Variants in ZNF804B observed in about 807,000 individuals in gnomAD.
ZNF804B encodes the protein zinc finger 804B.
Under a neutral mutation model 101.4 loss-of-function variants are expected in ZNF804B, and 80 were observed. The observed-to-expected ratio is 0.79, with a 90% confidence interval of 0.66 to 0.95. The LOEUF (loss-of-function observed/expected upper bound fraction) is 0.95, where lower values mean the gene tolerates loss of function less well. Ranked by LOEUF, ZNF804B falls within the 40% of genes least tolerant of loss-of-function variation. ZNF804B has a pLI of 0.00. For synonymous variants in ZNF804B, 622 were observed against 558.8 expected, an observed-to-expected ratio of 1.11 and a Z score of -1.59; for missense variants, 1,673 against 1,561.9, an observed-to-expected ratio of 1.07 and a Z score of -1.20.
At chr7:89,168,340 A>G (rs1335896227) in intron 1 of ZNF804B, among the ~76,000 whole-genome samples, 3 of 152,054 alleles carry the variant, frequency 2.0e-5, no homozygotes, top group Non-Finnish European at 2.9e-5. Flanking sequence ...ATATATCTAT[A>G]TATGTAGATA....
At position 89,277,727 on chromosome 7, in the gene ZNF804B, A is replaced by G. The variant is rs2115858089; in HGVS notation, c.250-49617A>G. 1.3e-5 allele frequency among the ~76,000 whole-genome samples: 2 copies of G among 151,410 alleles called. 1 individual carries two copies. The highest frequency in any genetic ancestry group is 2.9e-5 in the Non-Finnish European group (2 of 67,850). On this transcript the variant is annotated intron_variant, in intron 2 of 3. Coordinates refer to ENST00000333190, the MANE Select transcript of ZNF804B (RefSeq NM_181646.5). ...GTATTCCATGGTGTATATGTGCCACATTTTCTTAATCCCATCTATCATTTT... is the reference window on the plus strand; with the variant it reads ...GTATTCCATGGTGTATATGTGCCACGTTTTCTTAATCCCATCTATCATTTT...
At chr7:88,863,350 G>C (rs577102127) in intron 1 of ZNF804B, among the ~76,000 whole-genome samples, 1 of 152,086 alleles carries the variant, frequency 6.6e-6, no homozygotes, top group Non-Finnish European at 1.5e-5. Context: ...GGTGTGCCAT[G>C]CCCATTCATA....
At chr7:89,066,443 C>G (rs1381110508) in intron 1 of ZNF804B, among the ~76,000 whole-genome samples, 1 of 152,002 alleles carries the variant, frequency 6.6e-6, no homozygotes, top group Non-Finnish European at 1.5e-5. Context: ...TTCAAAATAC[C>G]TGGAGCCTGA....
At chr7:89,043,093 C>T (rs1392396780) in intron 1 of ZNF804B, among the ~76,000 whole-genome samples, 5 of 152,140 alleles carry the variant, frequency 3.3e-5, no homozygotes, top group Non-Finnish European at 5.9e-5. Context: ...TACAATAAAT[C>T]AAAGTCACAA....
intron 1 of ZNF804B, among the ~76,000 whole-genome samples, chr7:88,968,016 A>G (rs1793482303): frequency 6.6e-6 from 1 of 151,526 alleles, no homozygotes; most frequent in African/African-American, 2.4e-5. Flanking sequence ...ACACTTTTTT[A>G]TAAAAGGAAA....
chr7:88,995,642 CCTCA>C (rs1483278510), intron 1 of ZNF804B, among the ~76,000 whole-genome samples: 1 of 151,932 alleles, frequency 6.6e-6, no homozygotes, highest in Non-Finnish European at 1.5e-5. Flanking sequence ...GAACATAACT[CCTCA>C]CTCTTTAAGG....
intron 1 of ZNF804B, among the ~76,000 whole-genome samples, chr7:88,939,259 A>G (rs1793022293): frequency 6.6e-6 from 1 of 151,966 alleles, no homozygotes; most frequent in Non-Finnish European, 1.5e-5. Flanking sequence ...ATTTTAAATC[A>G]ACTCTAGATT....
intron 1 of ZNF804B, among the ~76,000 whole-genome samples, chr7:89,139,743 T>C (rs1157989056): frequency 6.6e-6 from 1 of 152,144 alleles, no homozygotes; most frequent in East Asian, 1.9e-4. Flanking sequence ...TCTCTTGCTG[T>C]GTCCACCACA....
chr7:88,991,440 C>A (rs963451134), intron 1 of ZNF804B, among the ~76,000 whole-genome samples: 3 of 152,170 alleles, frequency 2.0e-5, no homozygotes, highest in Non-Finnish European at 2.9e-5. Context: ...ATATGCCCTG[C>A]TGGGCTTGAC....
intron 1 of ZNF804B, among the ~76,000 whole-genome samples, chr7:89,215,122 G>A (rs991736993): frequency 6.6e-6 from 1 of 152,152 alleles, no homozygotes; most frequent in Non-Finnish European, 1.5e-5. Flanking sequence ...ATGCCCTGGA[G>A]ATTGTCATTA....
intron 1 of ZNF804B, among the ~76,000 whole-genome samples, chr7:88,922,470 C>A (rs937196301): frequency 1.3e-5 from 2 of 151,870 alleles, no homozygotes; most frequent in Admixed American, 1.3e-4. Context: ...CTTAAAATTA[C>A]TTTAATGAAA....
At chr7:89,321,619 A>G (rs930670108) in intron 2 of ZNF804B, among the ~76,000 whole-genome samples, 3 of 152,122 alleles carry the variant, frequency 2.0e-5, no homozygotes, top group Non-Finnish European at 4.4e-5. Context: ...ACTAAAAAGC[A>G]TATAGAAAAA....
At chr7:88,924,207 C>T (rs1488925366) in intron 1 of ZNF804B, among the ~76,000 whole-genome samples, 2 of 151,990 alleles carry the variant, frequency 1.3e-5, no homozygotes, top group African/African-American at 4.8e-5. Flanking sequence ...ATGTTCTTGC[C>T]ATTCTAAATG....
chr7:88,965,272 G>A lies in ZNF804B; in HGVS notation c.108+205188G>A, dbSNP rs563084476. On this transcript the variant is annotated intron_variant, in intron 1 of 3. Coordinates refer to ENST00000333190, the MANE Select transcript of ZNF804B (RefSeq NM_181646.5). ...GTGAAATCATGTGTTCAGAGGACTT[G>A]CAGAGAGAATAGGTTAAAGAGATTC... is the stretch of plus-strand genomic sequence containing the variant. 5.3e-5 allele frequency among the ~76,000 whole-genome samples: 8 copies of A among 151,414 alleles called. No individual in the cohort carries two copies. In the East Asian group the frequency reaches 1.4e-3, roughly 26 times the overall value.
intron 1 of ZNF804B, among the ~76,000 whole-genome samples, chr7:89,011,145 G>A (rs1260536987): frequency 1.3e-5 from 2 of 151,844 alleles, no homozygotes; most frequent in East Asian, 3.9e-4. Context: ...TGGAGAATGA[G>A]TGCAAGCAGG....
chr7:89,215,751 C>T (rs536771225), intron 1 of ZNF804B, among the ~76,000 whole-genome samples: 5 of 151,748 alleles, frequency 3.3e-5, no homozygotes, highest in African/African-American at 9.7e-5. Flanking sequence ...GGCGTGGCAG[C>T]GGGCTCCTGT....
chr7:88,785,611 T>C (rs970856172), intron 1 of ZNF804B, among the ~76,000 whole-genome samples: 16 of 152,114 alleles, frequency 1.1e-4, no homozygotes, highest in Admixed American at 2.0e-4. Flanking sequence ...CTTTAAATGT[T>C]TGCATAATCT....
chr7:89,257,160 A>G lies in ZNF804B; in HGVS notation c.249+38865A>G, dbSNP rs1439495837. ...GAGTTTAATTAAAAACACACTTATT[A>G]TACTGAACTATAGGATGGAGTTTCT... On this transcript the variant is annotated intron_variant, in intron 2 of 3. Transcript: ENST00000333190. Among the ~76,000 whole-genome samples the G allele has an allele frequency of 2.6e-5, 4 of 152,138 alleles. No individual in the cohort carries two copies. The East Asian group carries it at 7.7e-4, about 29-fold the overall frequency.
intron 2 of ZNF804B, among the ~76,000 whole-genome samples, chr7:89,265,995 A>G: frequency 6.6e-6 from 1 of 152,248 alleles, no homozygotes; most frequent in East Asian, 1.9e-4. Context: ...AGTATTCTCT[A>G]CAACCATGAG....
Sources: gnomAD v4.1 joint callset for allele counts (sites outside exome capture counted in the v4.1 genomes callset) on GRCh38, gnomAD v4.1.1 for gene constraint, MANE v1.5 for transcripts, NCBI Gene and HGNC (gene_info 2026-07-23, HGNC 2026-07-21) for gene names.